Variants in HSCB observed in about 807,000 individuals in gnomAD.
The protein encoded by HSCB is iron-sulfur cluster co-chaperone protein HscB.
A neutral mutation model predicts 31.3 loss-of-function variants in HSCB; 23 were observed. The ratio of observed to expected loss-of-function variants is 0.74; its 90% CI spans 0.53 to 1.04. The LOEUF (loss-of-function observed/expected upper bound fraction) is 1.04, where lower values mean the gene tolerates loss of function less well. Ranked by LOEUF, HSCB falls within the 50% of genes least tolerant of loss-of-function variation. HSCB has a pLI of 0.00. For synonymous variants in HSCB, 110 were observed against 104.5 expected, an observed-to-expected ratio of 1.05 and a Z score of -0.32; for missense variants, 297 against 288.1, an observed-to-expected ratio of 1.03 and a Z score of -0.22.
intron 4 of HSCB, among the ~76,000 whole-genome samples, chr22:28,750,604 G>T (rs903726139): frequency 2.0e-5 from 3 of 152,024 alleles, no homozygotes; most frequent in African/African-American, 7.2e-5. Context: ...CCTGCCTTAC[G>T]GATATAATGT....
intron 4 of HSCB, among the ~76,000 whole-genome samples, chr22:28,748,213 A>G (rs867993438): frequency 6.6e-6 from 1 of 152,206 alleles, no homozygotes; most frequent in South Asian, 2.1e-4. Flanking sequence ...TTCCTCTTCC[A>G]GTGTTCCCTG....
intron 5 of HSCB, among the ~76,000 whole-genome samples, chr22:28,751,596 T>A (rs1033011285): frequency 2.0e-5 from 3 of 151,846 alleles, no homozygotes; most frequent in African/African-American, 7.3e-5. Flanking sequence ...AAATACAAAA[T>A]TAACTGGGTG....
Position 28,742,286 on chromosome 22 carries a change from T to C in HSCB, c.191T>C (p.Leu64Pro). Residue 64 changes from leucine (L) to proline (P), a missense_variant, in exon 1 of 6, where the codon CTG (leucine) becomes CCG (proline). Coordinates refer to ENST00000216027, the MANE Select transcript of HSCB (RefSeq NM_172002.5). ...TTCTTCTGCCCACAGTGCCGAGCGC[T>C]GCAGGCACCTGACCCCACTCGAGAC... ...DRFFCPQCRA[L>P]QAPDPTRDYF... The C allele has an allele frequency of 6.2e-7, 1 of 1,614,094 alleles. No homozygotes were observed. The highest frequency in any genetic ancestry group is 8.5e-7 in the Non-Finnish European group (1 of 1,180,008).
chr22:28,757,141 A>C lies in HSCB; in HGVS notation c.680A>C (p.Lys227Thr). 1 of 1,561,244 alleles carries C rather than the reference A, an allele frequency of 6.4e-7. No homozygotes were observed. Among genetic ancestry groups the C allele is most frequent in the Non-Finnish European group, 8.8e-7 (1 of 1,132,624 alleles). ...KMRYFSNIEE[K>T]IKLKKIPL ...AGATACTTTTCAAATATAGAAGAAA[A>C]GATCAAGTTAAAGAAGATTCCCCTT... is the stretch of plus-strand genomic sequence containing the variant. Residue 227 changes from lysine to threonine, a missense_variant, in exon 6 of 6, where the codon AAG (lysine) becomes ACG (threonine). By Grantham distance (78) the Lys-to-Thr change is moderately conservative (BLOSUM62 -1). Coordinates refer to ENST00000216027, the MANE Select transcript of HSCB (RefSeq NM_172002.5).
chr22:28,752,858 A>G (rs2030351884), intron 5 of HSCB, among the ~76,000 whole-genome samples: 1 of 152,048 alleles, frequency 6.6e-6, no homozygotes. Flanking sequence ...AGGTGGGCGG[A>G]TCACAAGGTC....
Position 28,743,996 on chromosome 22 carries a change from C to T in HSCB, c.333+18C>T. On this transcript the variant is annotated intron_variant, in intron 2 of 5. Coordinates refer to ENST00000216027, the MANE Select transcript of HSCB (RefSeq NM_172002.5). Reference sequence around the variant, plus strand: ...GGTCTCAGGTAGCTTATTGGCCAACCCCAATAATCCCCAAATATGTGTGCA... The same window carrying T: ...GGTCTCAGGTAGCTTATTGGCCAACTCCAATAATCCCCAAATATGTGTGCA... The T allele has an allele frequency of 6.6e-7, 1 of 1,514,038 alleles. No individual in the cohort carries two copies. Among genetic ancestry groups the T allele is most frequent in the Non-Finnish European group, 9.2e-7 (1 of 1,088,988 alleles). The allele number at this position is 1,514,038 out of a possible 1,614,324, so 93.8% of individuals were successfully genotyped here.
intron 4 of HSCB, among the ~76,000 whole-genome samples, chr22:28,748,058 G>A (rs554096694): frequency 2.8e-4 from 42 of 152,262 alleles, no homozygotes; most frequent in Admixed American, 4.6e-4. Flanking sequence ...GTTAGCACAC[G>A]CCTGTAGTGC....
In HSCB at chr22:28,748,804, A is replaced by C. The variant is rs78458104; in HGVS notation, c.569-2437A>C. On this transcript the variant is annotated intron_variant, in intron 4 of 5. Transcript: ENST00000216027. ...AGTGCTGGGATTACAGGTGTGAGCC[A>C]CCAAGCCCGGCCAAAACCCAAATCT... Among the ~76,000 whole-genome samples, 900 of 152,208 alleles carry C rather than the reference A, an allele frequency of 5.9e-3. 10 individuals carry two copies. The highest frequency in any genetic ancestry group is 0.02 in the African/African-American group (841 of 41,536).
chr22:28,754,409 C>G (rs2030464236), intron 5 of HSCB, among the ~76,000 whole-genome samples: 1 of 152,050 alleles, frequency 6.6e-6, no homozygotes, highest in Non-Finnish European at 1.5e-5. Context: ...GTGGCTCCCA[C>G]CTGTAATCCC....
chr22:28,748,984 T>G (rs1477181218), intron 4 of HSCB, among the ~76,000 whole-genome samples: 2 of 151,896 alleles, frequency 1.3e-5, no homozygotes, highest in Admixed American at 6.6e-5. Context: ...CCATTAAAAA[T>G]TTAAAAATTA....
chr22:28,742,272 A>G lies in HSCB; in HGVS notation c.177A>G (p.Pro59=), dbSNP rs759874897. 6.2e-7 allele frequency: 1 copy of G among 1,614,096 alleles called. No homozygotes were observed. Among genetic ancestry groups the G allele is most frequent in the African/African-American group, 1.3e-5 (1 of 75,056 alleles). Residue 59 remains proline, a synonymous_variant, in exon 1 of 6, where the codon CCA becomes CCG. Coordinates refer to ENST00000216027, the MANE Select transcript of HSCB (RefSeq NM_172002.5). ...GPGREDRFFC[P]QCRALQAPDP... Reference sequence around the variant, plus strand: ...GGCGGGAGGACAGGTTCTTCTGCCCACAGTGCCGAGCGCTGCAGGCACCTG... The same window carrying G: ...GGCGGGAGGACAGGTTCTTCTGCCCGCAGTGCCGAGCGCTGCAGGCACCTG...
At chr22:28,747,138 T>G (rs1349349691) in intron 4 of HSCB, among the ~76,000 whole-genome samples, 2 of 152,146 alleles carry the variant, frequency 1.3e-5, no homozygotes, top group Non-Finnish European at 2.9e-5. Context: ...GTTACAGTCT[T>G]GATACAGAAT....
chr22:28,750,957 T>TTTTTTTTTTTTTA (rs2030199007), intron 4 of HSCB, among the ~76,000 whole-genome samples: 1 of 144,058 alleles, frequency 6.9e-6, no homozygotes, highest in Non-Finnish European at 1.5e-5. Flanking sequence ...TTTTTTTTTT[T>TTTTTTTTTTTTTA]TTTTTTTTTT....
intron 4 of HSCB, 53 bp downstream of exon 4, chr22:28,746,061 C>G: frequency 1.3e-6 from 2 of 1,543,910 alleles, no homozygotes; most frequent in Middle Eastern, 2.2e-4. Flanking sequence ...GAACACTTGT[C>G]CAAGGATTAG....
At position 28,746,024 on chromosome 22, in the gene HSCB, G is replaced by A. The variant is rs762196948; in HGVS notation, c.568+16G>A. 5 of 1,605,460 alleles carry A rather than the reference G, an allele frequency of 3.1e-6. No individual in the cohort carries two copies. In the South Asian group the frequency reaches 4.5e-5, roughly 14 times the overall value. ...ATTGTCAAAGGTGAAAGATAAAATA[G>A]CACTGAATGTATTTCATTGCTGTTA... is the stretch of plus-strand genomic sequence containing the variant. On this transcript the variant is annotated intron_variant, in intron 4 of 5. Coordinates refer to ENST00000216027, the MANE Select transcript of HSCB (RefSeq NM_172002.5).
chr22:28,753,662 C>A (rs1297931644), intron 5 of HSCB, among the ~76,000 whole-genome samples: 1 of 150,722 alleles, frequency 6.6e-6, no homozygotes, highest in Non-Finnish European at 1.5e-5. Context: ...CACGGTGAAA[C>A]CCCGTCTCTA....
intron 4 of HSCB, among the ~76,000 whole-genome samples, chr22:28,747,087 G>A (rs2074692405): frequency 6.6e-6 from 1 of 151,906 alleles, no homozygotes; most frequent in Non-Finnish European, 1.5e-5. Flanking sequence ...AAAATCTATA[G>A]GGGTAGATAA....
Position 28,750,987 on chromosome 22 carries a change from T to C in HSCB, c.569-254T>C, listed in dbSNP as rs1455011591. Among the ~76,000 whole-genome samples, 3 of 142,870 alleles carry C rather than the reference T, an allele frequency of 2.1e-5. No individual in the cohort carries two copies. The Admixed American group carries it at 2.1e-4, about 10-fold the overall frequency. 93.7% of individuals were successfully genotyped at this position (142,870 alleles called of 152,430 possible). A position where few individuals can be genotyped will look rare whatever the true frequency, so the allele number is the denominator to read the frequency against. ...TTTTTTTTACTGATTCTATAGCCAT[T>C]TTATAAGCCTTGGTGATTGCTCCTT... On this transcript the variant is annotated intron_variant, in intron 4 of 5. Coordinates refer to ENST00000216027, the MANE Select transcript of HSCB (RefSeq NM_172002.5).
intron 5 of HSCB, among the ~76,000 whole-genome samples, chr22:28,753,634 C>T (rs1016069517): frequency 6.7e-6 from 1 of 150,240 alleles, no homozygotes; most frequent in Non-Finnish European, 1.5e-5. Context: ...GTGAGGAGAT[C>T]GAGACCATCC....
Sources: allele counts gnomAD v4.1 joint callset (sites outside exome capture counted in the v4.1 genomes callset), GRCh38; gene constraint gnomAD v4.1.1; transcripts MANE v1.5; gene names NCBI Gene and HGNC (gene_info 2026-07-23, HGNC 2026-07-21).